The following TRPM1 variants were observed in gnomAD, a reference collection of about 807,000 sequenced individuals.
TRPM1 encodes the protein TRPM1-203 APA Isoform, Intron 10.
A neutral mutation model predicts 149.4 loss-of-function variants in TRPM1; 113 were observed. The observed-to-expected ratio is 0.76, with a 90% CI of 0.65 to 0.88. TRPM1 has a LOEUF of 0.88. TRPM1 is among the 40% of genes least tolerant of loss of function. The pLI, the probability that TRPM1 is intolerant of heterozygous loss-of-function variation, is 0.00. For missense variants in TRPM1, 1,976 were observed against 2,038.7 expected (o/e 0.97, Z 0.59); for synonymous variants, 741 against 759.5 (o/e 0.98, Z 0.40).
intron 6 of TRPM1, 92 bp downstream of exon 6, chr15:31,066,968 CTTA>C: frequency 6.5e-7 from 1 of 1,544,552 alleles, no homozygotes; most frequent in Non-Finnish European, 8.9e-7. Flanking sequence ...AGGGAGCTCT[CTTA>C]TTATTCTTAC....
At chr15:31,028,576 G>GAAAGAATCATATTAAA in intron 24 of TRPM1, 100 bp from the exon 25 acceptor site, 2 of 1,365,018 alleles carry the variant, frequency 1.5e-6, no homozygotes, top group Non-Finnish European at 1.0e-6. Context: ...TTTTTAATAT[G>GAAAGAATCATATTAAA]ATTCTTTCTT....
intron 19 of TRPM1, 42 bp from the exon 20 acceptor site, chr15:31,037,884 T>C: frequency 6.2e-7 from 1 of 1,613,876 alleles, no homozygotes; most frequent in Non-Finnish European, 8.5e-7. Context: ...GGTGGCTAAA[T>C]GGGAAATGCA....
intron 1 of TRPM1, among the ~76,000 whole-genome samples, chr15:31,113,783 A>G (rs185205902): frequency 1.3e-5 from 2 of 152,210 alleles, no homozygotes; most frequent in East Asian, 1.9e-4. Flanking sequence ...CAGCTCTTAA[A>G]GGTGGCAAGG....
intron 1 of TRPM1, among the ~76,000 whole-genome samples, chr15:31,112,728 T>C (rs182250329): frequency 6.6e-6 from 1 of 152,252 alleles, no homozygotes; most frequent in African/African-American, 2.4e-5. Context: ...GCTCAGGCAT[T>C]CTCAACAAAA....
At chr15:31,150,361 C>G (rs1188699925) in intron 1 of TRPM1, among the ~76,000 whole-genome samples, 1 of 151,550 alleles carries the variant, frequency 6.6e-6, no homozygotes, top group Non-Finnish European at 1.5e-5. Context: ...AGAGGGACCC[C>G]TTAAGAGGAG....
intron 3 of TRPM1, among the ~76,000 whole-genome samples, chr15:31,076,075 A>AG (rs1387630331): frequency 6.6e-6 from 1 of 152,046 alleles, no homozygotes; most frequent in South Asian, 2.1e-4. Context: ...GATGCAACAA[A>AG]GGGGAGACTT....
chr15:31,133,884 A>T (rs543756404), intron 1 of TRPM1, among the ~76,000 whole-genome samples: 4 of 152,238 alleles, frequency 2.6e-5, no homozygotes, highest in Non-Finnish European at 5.9e-5. Flanking sequence ...GGGCCTGGGG[A>T]TGCATAAACA....
chr15:31,126,967 A>C (rs867574086), intron 1 of TRPM1, among the ~76,000 whole-genome samples: 11 of 150,680 alleles, frequency 7.3e-5, no homozygotes, highest in African/African-American at 2.4e-4. Context: ...ATCCTGTCTC[A>C]AAACAAACAA....
At chr15:31,160,510 C>A (rs76725137) in intron 1 of TRPM1, among the ~76,000 whole-genome samples, 4,832 of 152,288 alleles carry the variant, frequency 0.032, 94 homozygotes, top group South Asian at 0.097. Flanking sequence ...ACACAAACAT[C>A]TGATGCAGAA....
At chr15:31,100,269 G>A (rs1199892762) in intron 1 of TRPM1, among the ~76,000 whole-genome samples, 1 of 151,866 alleles carries the variant, frequency 6.6e-6, no homozygotes, top group African/African-American at 2.4e-5. Flanking sequence ...TAGAGACAGG[G>A]TTTCACCATG....
Position 31,063,183 on chromosome 15 carries a change from A to G in TRPM1, c.900T>C (p.Ile300=). The change falls in exon 8 of 28, where the codon ATT becomes ATC. Residue 300 remains isoleucine (I), a synonymous_variant. Transcript: ENST00000256552. The part of the protein sequence containing the change: ...LQEEPPIPVV[I]CDGSGRASDI... Reference sequence around the variant, plus strand: ...CCGAGGCACGTCCGCTGCCATCACAAATCACCACAGGGATGGGAGGCTCTT... The same window carrying G: ...CCGAGGCACGTCCGCTGCCATCACAGATCACCACAGGGATGGGAGGCTCTT... 1 of 1,614,178 alleles carries G rather than the reference A, an allele frequency of 6.2e-7. No homozygotes were observed. Among genetic ancestry groups the G allele is most frequent in the South Asian group, 1.1e-5 (1 of 91,086 alleles).
intron 27 of TRPM1, among the ~76,000 whole-genome samples, chr15:31,017,174 C>T (rs146528743): frequency 0.018 from 2,744 of 151,946 alleles, 83 homozygotes; most frequent in African/African-American, 0.063. Flanking sequence ...GACATGGTGG[C>T]GTGCGTCTGT....
intron 20 of TRPM1, among the ~76,000 whole-genome samples, chr15:31,037,024 TCTC>T (rs1472309592): frequency 6.6e-6 from 1 of 152,212 alleles, no homozygotes; most frequent in Non-Finnish European, 1.5e-5. Context: ...GAGAAGTCTC[TCTC>T]CTCCCGACTG....
intron 1 of TRPM1, among the ~76,000 whole-genome samples, chr15:31,160,285 A>G (rs2036427908): frequency 6.6e-6 from 1 of 152,182 alleles, no homozygotes; most frequent in Admixed American, 6.5e-5. Flanking sequence ...GATTCAAATC[A>G]GCATGTGCTG....
At chr15:31,146,782 T>A (rs1235343742) in intron 1 of TRPM1, among the ~76,000 whole-genome samples, 5 of 152,072 alleles carry the variant, frequency 3.3e-5, no homozygotes, top group South Asian at 2.1e-4. Context: ...AGGTCAGGAG[T>A]TCGAGACCAG....
At chr15:31,039,848 C>G (rs1230686380) in intron 18 of TRPM1, among the ~76,000 whole-genome samples, 1 of 152,132 alleles carries the variant, frequency 6.6e-6, no homozygotes. Flanking sequence ...GGGGTTTGTG[C>G]AGCCTGGTGG....
chr15:31,047,206 G>T lies in TRPM1; in HGVS notation c.1669C>A (p.Leu557Ile), dbSNP rs376798196. The change falls in exon 15 of 28, where the codon CTC becomes ATC. Residue 557 changes from leucine (L) to isoleucine (I), a missense_variant. Leu to Ile is a conservative substitution (Grantham distance 5). Transcript: ENST00000256552. ...DYHISLIDIG[L>I]VLEYLMGGAY... ...CCTCCCATGAGGTACTCCAGCACGA[G>T]CCCGATGTCTATGAGGCTGATGTGG... 11 of 1,614,094 alleles carry T rather than the reference G, an allele frequency of 6.8e-6. No homozygotes were observed. The highest frequency in any genetic ancestry group is 2.7e-5 in the African/African-American group (2 of 74,932).
chr15:31,007,644 GCAGCGCAGCAACAACAA>G (rs1460154787), intron 27 of TRPM1, among the ~76,000 whole-genome samples: 1,293 of 55,258 alleles, frequency 0.023, 20 homozygotes, highest in African/African-American at 0.068. Context: ...TATAACAACA[GCAGCGCAGCAACAACAA>G]CAACAACAAC....
intron 1 of TRPM1, among the ~76,000 whole-genome samples, chr15:31,088,862 T>G (rs896196180): frequency 1.4e-5 from 1 of 74,002 alleles, no homozygotes; most frequent in African/African-American, 4.8e-5. Flanking sequence ...CTGCTGCGGG[T>G]ATTGACATTT....
Sources: allele counts gnomAD v4.1 joint callset (sites outside exome capture counted in the v4.1 genomes callset), GRCh38; gene constraint gnomAD v4.1.1; transcripts MANE v1.5; gene names NCBI Gene and HGNC (gene_info 2026-07-23, HGNC 2026-07-21).